EHMT1: variants seen among roughly 807,000 people sequenced by gnomAD.
EHMT1 encodes histone-lysine N-methyltransferase EHMT1.
Under a neutral mutation model 147.2 loss-of-function variants are expected in EHMT1, and 15 were observed. That is an observed-to-expected ratio of 0.10 (90% confidence interval 0.07 to 0.16). EHMT1 has a LOEUF of 0.16. Ranked by LOEUF, EHMT1 falls within the 10% of genes least tolerant of loss-of-function variation. The pLI is 1.00. For missense variants in EHMT1, 1,587 were observed against 1,772.4 expected, an observed-to-expected ratio of 0.90 and a Z score of 1.88; for synonymous variants, 795 against 709.6, an observed-to-expected ratio of 1.12 and a Z score of -1.91.
chr9:137,810,643 G>A (rs1564805589), intron 18 of EHMT1, among the ~76,000 whole-genome samples: 2 of 151,672 alleles, frequency 1.3e-5, no homozygotes, highest in South Asian at 2.1e-4. Flanking sequence ...TGTGGCACAA[G>A]TATTTCTCCA....
chr9:137,828,886 C>T lies in EHMT1; in HGVS notation c.3541-5463C>T, dbSNP rs4876903. Among the ~76,000 whole-genome samples the T allele has an allele frequency of 0.25, 37,428 of 151,986 alleles. 5,770 individuals carry two copies. Among genetic ancestry groups the T allele is most frequent in the Admixed American group, 0.4 (6,057 of 15,282 alleles). ...TCTGTGCCTCCCCTCCTGCTTGCTG[C>T]GTGGGGGCTTGTGGAGCCTGCTAGG... On this transcript the variant is annotated intron_variant, in intron 25 of 26. Coordinates refer to ENST00000460843, the MANE Select transcript of EHMT1 (RefSeq NM_024757.5). This position sits in a 1 kb window ranked among gnomAD's most constrained non-coding sequence, Gnocchi z 5.3.
intron 16 of EHMT1, among the ~76,000 whole-genome samples, chr9:137,798,307 C>A (rs1041519173): frequency 3.9e-5 from 6 of 151,980 alleles, no homozygotes; most frequent in Non-Finnish European, 2.9e-5. Flanking sequence ...GAGGCTGAGG[C>A]AGGAGGATCA....
chr9:137,714,747 CTA>C (rs1460391806), intron 2 of EHMT1, among the ~76,000 whole-genome samples: 1 of 151,818 alleles, frequency 6.6e-6, no homozygotes, highest in Non-Finnish European at 1.5e-5. Context: ...CAGAGTCTCA[CTA>C]TGTTGCCCAG....
At chr9:137,673,880 G>C (rs763049545) in intron 1 of EHMT1, among the ~76,000 whole-genome samples, 3 of 152,148 alleles carry the variant, frequency 2.0e-5, no homozygotes, top group Non-Finnish European at 4.4e-5. Context: ...TTAGCCTCCC[G>C]GAGCCAATAC....
At chr9:137,647,348 G>T (rs565092859) in intron 1 of EHMT1, among the ~76,000 whole-genome samples, 2 of 152,108 alleles carry the variant, frequency 1.3e-5, no homozygotes, top group Non-Finnish European at 2.9e-5. Flanking sequence ...AGCATGAAAC[G>T]CAGCTCTCTT....
chr9:137,719,071 T>A (rs554866010), intron 3 of EHMT1, among the ~76,000 whole-genome samples: 2 of 152,120 alleles, frequency 1.3e-5, no homozygotes, highest in South Asian at 2.1e-4. Context: ...TCTTTTAATT[T>A]AAAAAATACT....
At chr9:137,628,762 G>A (rs1360602106) in intron 1 of EHMT1, among the ~76,000 whole-genome samples, 3 of 152,204 alleles carry the variant, frequency 2.0e-5, no homozygotes, top group Admixed American at 6.5e-5. Context: ...CTCTAATGTC[G>A]AAAAGAGCGT....
chr9:137,722,119 C>T (rs1189994982), intron 3 of EHMT1, among the ~76,000 whole-genome samples: 2 of 152,016 alleles, frequency 1.3e-5, no homozygotes, highest in African/African-American at 4.8e-5. Flanking sequence ...TTTTAAAACT[C>T]ACGTTAGAAA....
intron 3 of EHMT1, among the ~76,000 whole-genome samples, chr9:137,719,614 G>A (rs1225097233): frequency 1.3e-5 from 2 of 152,150 alleles, no homozygotes; most frequent in East Asian, 3.8e-4. Flanking sequence ...ACAGGAAACT[G>A]CAAAAAAACC....
Position 137,834,965 on chromosome 9 carries a change from C to A in EHMT1, c.*12C>A, listed in dbSNP as rs1162702110. 2.8e-6 allele frequency: 4 copies of A among 1,404,662 alleles called. No homozygotes were observed. The highest frequency in any genetic ancestry group is 3.7e-6 in the Non-Finnish European group (4 of 1,088,106). 87.0% of individuals were successfully genotyped at this position (1,404,662 alleles called of 1,614,324 possible). Reference sequence around the variant, plus strand: ...CCGACCCCCTATGAGACGCCGCCGGCCAGCGGGGCGCTCGGGAGCCAGGGA... The same window carrying A: ...CCGACCCCCTATGAGACGCCGCCGGACAGCGGGGCGCTCGGGAGCCAGGGA... On this transcript the variant is annotated 3_prime_UTR_variant, in exon 27 of 27. Coordinates refer to ENST00000460843, the MANE Select transcript of EHMT1 (RefSeq NM_024757.5).
At chr9:137,811,362 G>A in intron 18 of EHMT1, 99 bp from the exon 19 acceptor site, 2 of 1,562,432 alleles carry the variant, frequency 1.3e-6, no homozygotes, top group South Asian at 2.2e-5. Flanking sequence ...ATGCTCCAGA[G>A]CCTCTCCCCG....
At chr9:137,635,000 G>A (rs1589057727) in intron 1 of EHMT1, among the ~76,000 whole-genome samples, 1 of 150,014 alleles carries the variant, frequency 6.7e-6, no homozygotes, top group Admixed American at 6.7e-5. Flanking sequence ...GATTACAGGT[G>A]TGAGCCACTG....
chr9:137,700,696 A>T (rs1165888579), intron 1 of EHMT1, among the ~76,000 whole-genome samples: 1 of 152,116 alleles, frequency 6.6e-6, no homozygotes, highest in Admixed American at 6.5e-5. Flanking sequence ...CTTGATGCTT[A>T]GGTACTGTTC....
intron 9 of EHMT1, among the ~76,000 whole-genome samples, chr9:137,760,078 G>A (rs1462992642): frequency 6.6e-6 from 1 of 152,210 alleles, no homozygotes; most frequent in Non-Finnish European, 1.5e-5. Flanking sequence ...GCAACAGGAG[G>A]CAGAGGGTCT....
At position 137,776,700 on chromosome 9, in the gene EHMT1, G is replaced by A; in HGVS notation, c.1874G>A (p.Ser625Asn). 6.2e-7 allele frequency: 1 copy of A among 1,614,106 alleles called. No homozygotes were observed. Among genetic ancestry groups the A allele is most frequent in the African/African-American group, 1.3e-5 (1 of 75,020 alleles). The change falls in exon 12 of 27, where the codon AGC (serine) becomes AAC (asparagine). Residue 625 changes from serine (S) to asparagine (N), a missense_variant. Around this residue, in one of 7 missense-constraint regions of EHMT1, gnomAD observed 124 missense variants for 197.8 expected, o/e 0.63. Transcript: ENST00000460843. This position sits in a 1 kb window ranked among gnomAD's most constrained non-coding sequence, Gnocchi z 4.4. ...KDCASRVNNA[S>N]YCPHCGEESS... ...TGTGCCTCTCGAGTCAATAACGCCAGCTATTGTCCCCACTGTGGGGAGGAG... is the reference window on the plus strand; with the variant it reads ...TGTGCCTCTCGAGTCAATAACGCCAACTATTGTCCCCACTGTGGGGAGGAG...
At chr9:137,710,920 C>T (rs41302689) in intron 1 of EHMT1, 47 bp from the exon 2 acceptor site, 18,288 of 1,556,140 alleles carry the variant, frequency 0.012, 141 homozygotes, top group Non-Finnish European at 0.015. Flanking sequence ...TTTGGAAAAG[C>T]GGCCTCCCAC....
chr9:137,678,649 C>T (rs1589229579), intron 1 of EHMT1, among the ~76,000 whole-genome samples: 1 of 152,082 alleles, frequency 6.6e-6, no homozygotes, highest in East Asian at 1.9e-4. Context: ...TTTTCTTAGA[C>T]ACATATACCG....
chr9:137,725,543 C>T (rs1264860698), intron 3 of EHMT1, among the ~76,000 whole-genome samples: 1 of 152,206 alleles, frequency 6.6e-6, no homozygotes, highest in Non-Finnish European at 1.5e-5. Context: ...CAACAAAAAA[C>T]TCCAGGGAGC....
intron 16 of EHMT1, chr9:137,795,274 TACAA>T (rs1952811569): frequency 6.6e-6 from 1 of 152,110 alleles, no homozygotes; most frequent in Non-Finnish European, 1.5e-5. Flanking sequence ...GAAAGATTAA[TACAA>T]ACAAGATAAA....
Sources: allele counts gnomAD v4.1 joint callset (sites outside exome capture counted in the v4.1 genomes callset), GRCh38; gene constraint gnomAD v4.1.1; regional missense constraint gnomAD v4.1.1; non-coding constraint Gnocchi (gnomAD v3.1); transcripts MANE v1.5; gene names NCBI Gene and HGNC (gene_info 2026-07-23, HGNC 2026-07-21).